Variants in PDE1C observed in about 807,000 individuals in gnomAD.
PDE1C encodes the protein phosphodiesterase 1C.
A neutral mutation model predicts 93.1 loss-of-function variants in PDE1C; 62 were observed. The ratio of observed to expected loss-of-function variants is 0.67; its 90% CI spans 0.54 to 0.82. The LOEUF is 0.82. Ranked by LOEUF, PDE1C falls within the 40% of genes least tolerant of loss-of-function variation. The probability of loss-of-function intolerance (pLI) is 0.00; values close to 1 mark genes in which losing one functional copy is unlikely to be tolerated. For missense variants in PDE1C, 742 were observed against 884.6 expected (o/e 0.84, Z 2.04); for synonymous variants, 325 against 310.1 (o/e 1.05, Z -0.50).
At position 31,880,854 on chromosome 7, in the gene PDE1C, C is replaced by T. The variant is rs769634542; in HGVS notation, c.135G>A (p.Arg45=). 2.5e-6 allele frequency: 4 copies of T among 1,585,260 alleles called. No individual in the cohort carries two copies. The South Asian group carries it at 4.4e-5, about 18-fold the overall frequency. The stretch of plus-strand genomic sequence containing the variant: ...CTCTCTCTAATTGTTTGACCAAAGA[C>T]CGTAATCTAGAAAAATAAAAAGACA... The part of the protein sequence containing the change: ...RKYKKTSQRL[R]SLVKQLERGE... The change falls in exon 3 of 18, where the codon CGG becomes CGA. Residue 45 remains arginine (R), a synonymous_variant. Transcript: ENST00000396191.
chr7:32,295,807 T>C (rs949676863), intron 1 of PDE1C, among the ~76,000 whole-genome samples: 1 of 145,190 alleles, frequency 6.9e-6, no homozygotes. Flanking sequence ...GGCAGGAGAA[T>C]GGTGTGAACG....
chr7:32,283,738 A>C (rs1585076415), intron 1 of PDE1C, among the ~76,000 whole-genome samples: 1 of 152,354 alleles, frequency 6.6e-6, no homozygotes, highest in African/African-American at 2.4e-5. Flanking sequence ...TCCCGTCCCA[A>C]TGCAGAGCTT....
At chr7:31,719,368 G>A in the PDE1C span, among the ~76,000 whole-genome samples, 1 of 152,202 alleles carries the variant, frequency 6.6e-6, no homozygotes, top group African/African-American at 2.4e-5. Flanking sequence ...GTCCTGTGAG[G>A]GGAAAGGGGC....
intron 2 of PDE1C, among the ~76,000 whole-genome samples, chr7:32,002,658 C>G (rs1785629823): frequency 6.6e-6 from 1 of 152,200 alleles, no homozygotes; most frequent in Admixed American, 6.5e-5. Context: ...AACACACACA[C>G]ACCACCCCCA....
intron 9 of PDE1C, among the ~76,000 whole-genome samples, chr7:31,839,999 T>C (rs929002853): frequency 2.6e-5 from 4 of 152,328 alleles, no homozygotes; most frequent in Middle Eastern, 3.4e-3. Context: ...ATCATGCCAC[T>C]GCACTCTAGC....
At chr7:32,035,456 C>A (rs1452331554) in intron 2 of PDE1C, among the ~76,000 whole-genome samples, 1 of 152,120 alleles carries the variant, frequency 6.6e-6, no homozygotes, top group African/African-American at 2.4e-5. Flanking sequence ...CTGCTTTTCA[C>A]GTTTCTTTCC....
intron 1 of PDE1C, among the ~76,000 whole-genome samples, chr7:32,248,464 C>A (rs1809128312): frequency 6.6e-6 from 1 of 152,080 alleles, no homozygotes; most frequent in South Asian, 2.1e-4. Context: ...ATGTAGCAGG[C>A]AAAATTGAAA....
intron 1 of PDE1C, among the ~76,000 whole-genome samples, chr7:32,396,697 C>A (rs1784846004): frequency 6.6e-6 from 1 of 152,048 alleles, no homozygotes; most frequent in Non-Finnish European, 1.5e-5. Flanking sequence ...AAAATTCTTT[C>A]AACTTTGTGT....
At chr7:32,082,878 G>A (rs1796794807) in intron 3 of PDE1C, among the ~76,000 whole-genome samples, 1 of 151,534 alleles carries the variant, frequency 6.6e-6, no homozygotes, top group South Asian at 2.1e-4. Flanking sequence ...AAGACCAAAA[G>A]TAGATAAAAC....
chr7:31,899,132 CT>C (rs386409838), intron 2 of PDE1C, among the ~76,000 whole-genome samples: 27,070 of 84,330 alleles, frequency 0.32, 2,361 homozygotes, highest in Non-Finnish European at 0.39. Context: ...GGCAGTCCCA[CT>C]TTTTTTTTTT....
intron 1 of PDE1C, among the ~76,000 whole-genome samples, chr7:32,400,688 T>C (rs530369609): frequency 7.0e-4 from 107 of 152,378 alleles, no homozygotes; most frequent in Non-Finnish European, 6.3e-4. Context: ...CTGACATTTA[T>C]GATTTTGTCA....
intron 16 of PDE1C, chr7:31,790,325 C>T: frequency 1.4e-6 from 2 of 1,437,184 alleles, no homozygotes; most frequent in Non-Finnish European, 1.9e-6. Flanking sequence ...CCTCCACCCT[C>T]CAAGTCTGAG....
intron 1 of PDE1C, among the ~76,000 whole-genome samples, chr7:32,361,849 T>A (rs1472993198): frequency 6.6e-6 from 1 of 152,196 alleles, no homozygotes; most frequent in Non-Finnish European, 1.5e-5. Flanking sequence ...CTCAGAAATA[T>A]TCACTGGATA....
At chr7:31,795,562 T>C (rs2128673761) in intron 16 of PDE1C, among the ~76,000 whole-genome samples, 1 of 151,978 alleles carries the variant, frequency 6.6e-6, no homozygotes, top group South Asian at 2.1e-4. Context: ...CAATGAAAGC[T>C]TATGTAGCAA....
intron 1 of PDE1C, among the ~76,000 whole-genome samples, chr7:32,311,969 C>T (rs1321774363): frequency 6.6e-6 from 1 of 150,870 alleles, no homozygotes; most frequent in Admixed American, 6.6e-5. Context: ...CAAATTGTCC[C>T]TGTTTGCAGA....
At chr7:32,167,514 T>C (rs1802374422) in intron 3 of PDE1C, among the ~76,000 whole-genome samples, 1 of 152,194 alleles carries the variant, frequency 6.6e-6, no homozygotes. Context: ...GGTCAGAAAG[T>C]ACATGCTCAA....
intron 17 of PDE1C, among the ~76,000 whole-genome samples, chr7:31,770,655 C>T (rs1443532317): frequency 1.3e-5 from 2 of 152,122 alleles, no homozygotes; most frequent in South Asian, 2.1e-4. Context: ...GGATTACAGG[C>T]ACCCATCACC....
the PDE1C span, among the ~76,000 whole-genome samples, chr7:31,647,754 T>A: frequency 6.7e-6 from 1 of 150,296 alleles, no homozygotes; most frequent in Non-Finnish European, 1.5e-5. Context: ...TCTGAGCAGA[T>A]GTTGAAACTA....
At chr7:32,007,838 G>C (rs1323418308) in intron 2 of PDE1C, among the ~76,000 whole-genome samples, 4 of 152,098 alleles carry the variant, frequency 2.6e-5, no homozygotes, top group African/African-American at 9.7e-5. Context: ...CGTGGCACAG[G>C]GCAGGGATTC....
Sources: allele counts gnomAD v4.1 joint callset (sites outside exome capture counted in the v4.1 genomes callset), GRCh38; gene constraint gnomAD v4.1.1; transcripts MANE v1.5; gene names NCBI Gene and HGNC (gene_info 2026-07-23, HGNC 2026-07-21).